Variants in WDR20 observed in about 807,000 individuals in gnomAD.
WDR20 encodes the protein WD repeat domain 20.
In WDR20, 3 loss-of-function variants were observed where a neutral mutation model predicts 38.7. The ratio of observed to expected loss-of-function variants is 0.08; its 90% CI spans 0.04 to 0.20. WDR20 has a LOEUF of 0.20. Ranked by LOEUF, WDR20 falls within the 10% of genes least tolerant of loss-of-function variation. The pLI is 1.00. For synonymous variants in WDR20, 298 were observed against 285.6 expected (o/e 1.04, Z -0.44); for missense variants, 559 against 727.7 (o/e 0.77, Z 2.67).
At chr14:102,180,255 C>G (rs1251364313) in intron 1 of WDR20, among the ~76,000 whole-genome samples, 1 of 152,164 alleles carries the variant, frequency 6.6e-6, no homozygotes, top group Non-Finnish European at 1.5e-5. Flanking sequence ...TCGAACGCTG[C>G]CTGTAGCAGG....
chr14:102,192,747 C>T (rs539315146), intron 1 of WDR20, among the ~76,000 whole-genome samples: 53 of 152,158 alleles, frequency 3.5e-4, no homozygotes, highest in African/African-American at 1.3e-3. Context: ...TTCTGGCCAG[C>T]CTTTAAATTG....
At chr14:102,184,927 G>A (rs530622810) in intron 1 of WDR20, among the ~76,000 whole-genome samples, 6 of 152,244 alleles carry the variant, frequency 3.9e-5, no homozygotes, top group South Asian at 2.1e-4. Flanking sequence ...ATGCACCAAC[G>A]GTTGGTCTTT....
At position 102,141,762 on chromosome 14, in the gene WDR20, G is replaced by A. The variant is rs778754307; in HGVS notation, c.249+1590G>A. 1.4e-4 allele frequency among the ~76,000 whole-genome samples: 22 copies of A among 152,220 alleles called. 1 individual carries two copies. The highest frequency in any genetic ancestry group is 6.8e-3 in the Middle Eastern group (2 of 294). ...CTGTCAAATAAGAAGCTGCTGTCTT[G>A]ACATTGATAATCAGAGTGAAAGGAC... On this transcript the variant is annotated intron_variant, in intron 1 of 2. Transcript: ENST00000342702.
intron 2 of WDR20, among the ~76,000 whole-genome samples, chr14:102,204,315 C>G (rs769715000): frequency 6.6e-6 from 1 of 152,212 alleles, no homozygotes; most frequent in African/African-American, 2.4e-5. Flanking sequence ...CTGTCTTGCT[C>G]AGCTGTCCAG....
rs75351824 is a variant in WDR20, at chr14:102,170,214, A to G, written c.250-24724A>G. Among the ~76,000 whole-genome samples, 587 of 152,264 alleles carry G rather than the reference A, an allele frequency of 3.9e-3. 9 individuals are homozygous for G. The East Asian group carries it at 0.048, about 13-fold the overall frequency. On this transcript the variant is annotated intron_variant, in intron 1 of 2. Coordinates refer to ENST00000342702, the MANE Select transcript of WDR20 (RefSeq NM_144574.4). ...ATCTTTAATGCCTGTACAATATCCC[A>G]TTGTGTACATTTATCATAATTCTTC...
chr14:102,219,936 T>A (rs1197200739), downstream of WDR20, among the ~76,000 whole-genome samples: 2 of 152,218 alleles, frequency 1.3e-5, no homozygotes, highest in African/African-American at 2.4e-5. Flanking sequence ...GGCATGAAGG[T>A]GGTTCTAGTT....
At chr14:102,194,418 T>G (rs1327718312) in intron 1 of WDR20, among the ~76,000 whole-genome samples, 1 of 152,166 alleles carries the variant, frequency 6.6e-6, no homozygotes, top group African/African-American at 2.4e-5. Context: ...TAGTTTCTGA[T>G]TCATTTAGTC....
At chr14:102,139,883 T>C (rs757570761), upstream of WDR20, 6 of 1,598,742 alleles carry the variant, frequency 3.8e-6, no homozygotes, top group African/African-American at 1.3e-5. Context: ...GCGGTGGGCG[T>C]GATCCGGGCA....
chr14:102,208,375 ACTCC>A lies in WDR20; in HGVS notation c.433-223_433-220del, dbSNP rs2061943737. On this transcript the variant is annotated intron_variant, in intron 2 of 2. Transcript: ENST00000342702. The surrounding 1 kb of genome is among the most constrained non-coding windows in gnomAD (Gnocchi z 5.6). ...TCTGCAAATATCTGTTGGCTGCCTGACTCCCTCCGTGAAAGCCAGCAGCCTAACA... is the reference window on the plus strand; with the variant it reads ...TCTGCAAATATCTGTTGGCTGCCTGACTCCGTGAAAGCCAGCAGCCTAACA... Among the ~76,000 whole-genome samples the A allele has an allele frequency of 6.6e-6, 1 of 151,942 alleles. No homozygotes were observed. The highest frequency in any genetic ancestry group is 2.4e-5 in the African/African-American group (1 of 41,340).
At chr14:102,206,233 C>A (rs1596950320) in intron 2 of WDR20, among the ~76,000 whole-genome samples, 1 of 152,172 alleles carries the variant, frequency 6.6e-6, no homozygotes, top group South Asian at 2.1e-4. Flanking sequence ...GTGATCCACC[C>A]TCCTCGGCCT....
At chr14:102,173,305 G>T in intron 1 of WDR20, among the ~76,000 whole-genome samples, 1 of 151,192 alleles carries the variant, frequency 6.6e-6, no homozygotes, top group Non-Finnish European at 1.5e-5. Context: ...GTAGAGATGA[G>T]GTCTCACCAT....
Position 102,221,790 on chromosome 14 carries a change from G to C in WDR20, c.1693-1040G>C, listed in dbSNP as rs536824617. 6.6e-6 allele frequency among the ~76,000 whole-genome samples: 1 copy of C among 152,292 alleles called. No homozygotes were observed. The highest frequency in any genetic ancestry group is 1.9e-4 in the East Asian group (1 of 5,180). On this transcript the variant is annotated intron_variant, in intron 3 of 3. Coordinates refer to the WDR20 transcript ENST00000335263. This position sits in a 1 kb window ranked among gnomAD's most constrained non-coding sequence, Gnocchi z 4.8. ...GTGTCCACACAAGTCCAATATGTGA[G>C]AAGGTAGCAATGTCAGCTTGAGTTA... is the stretch of plus-strand genomic sequence containing the variant.
chr14:102,141,370 G>T (rs1216136273), intron 1 of WDR20, among the ~76,000 whole-genome samples: 1 of 152,214 alleles, frequency 6.6e-6, no homozygotes, highest in Non-Finnish European at 1.5e-5. Context: ...GTATCTAAAT[G>T]TAGCAAAGTT....
intron 1 of WDR20, among the ~76,000 whole-genome samples, chr14:102,173,972 A>T (rs910824832): frequency 1.3e-5 from 2 of 150,176 alleles, no homozygotes; most frequent in African/African-American, 2.5e-5. Flanking sequence ...TGAACCCGGG[A>T]GGCGGAGCTT....
chr14:102,172,818 G>A (rs1340215772), intron 1 of WDR20, among the ~76,000 whole-genome samples: 2 of 150,114 alleles, frequency 1.3e-5, no homozygotes, highest in African/African-American at 4.9e-5. Context: ...CTCAGACGGG[G>A]CGGCTGCCGG....
chr14:102,145,146 G>A (rs2053146230), intron 1 of WDR20, among the ~76,000 whole-genome samples: 1 of 152,156 alleles, frequency 6.6e-6, no homozygotes, highest in Non-Finnish European at 1.5e-5. Flanking sequence ...GTCCAGTTTA[G>A]AGTTAGGCCC....
At chr14:102,186,555 T>C (rs540004296) in intron 1 of WDR20, among the ~76,000 whole-genome samples, 1 of 151,730 alleles carries the variant, frequency 6.6e-6, no homozygotes, top group South Asian at 2.1e-4. Flanking sequence ...CCCCCTCCGG[T>C]TTCACCAGGG....
chr14:102,212,504 C>A, downstream of WDR20: 1 of 1,535,866 alleles, frequency 6.5e-7, no homozygotes, highest in Non-Finnish European at 8.7e-7. Flanking sequence ...CTGACTGCTG[C>A]CCCTTTCTTT....
intron 1 of WDR20, among the ~76,000 whole-genome samples, chr14:102,161,492 T>C (rs1019219627): frequency 2.6e-5 from 4 of 151,968 alleles, no homozygotes; most frequent in Admixed American, 1.3e-4. Flanking sequence ...TTTTGTGTTT[T>C]TTGTATAGAC....
Sources: allele counts gnomAD v4.1 joint callset (sites outside exome capture counted in the v4.1 genomes callset), GRCh38; gene constraint gnomAD v4.1.1; non-coding constraint Gnocchi (gnomAD v3.1); transcripts MANE v1.5; gene names NCBI Gene and HGNC (gene_info 2026-07-23, HGNC 2026-07-21).